The following BLTP3A variants were observed in gnomAD, a reference collection of about 807,000 sequenced individuals.
BLTP3A encodes the protein ICBP90 binding protein 1.
chr6:34,799,127 A>G, the BLTP3A span, among the ~76,000 whole-genome samples: 1 of 151,978 alleles, frequency 6.6e-6, no homozygotes, highest in South Asian at 2.1e-4. Flanking sequence ...TTTTTAGTAG[A>G]GACAGGGTTT....
the BLTP3A span, chr6:34,856,286 C>T: frequency 2.7e-5 from 43 of 1,613,932 alleles, no homozygotes; most frequent in South Asian, 1.8e-4. Context: ...CATGGAGACC[C>T]GAGGCCAGTG....
chr6:34,832,123 C>CTTTTTTT, the BLTP3A span, among the ~76,000 whole-genome samples: 984 of 141,858 alleles, frequency 6.9e-3, 13 homozygotes, highest in African/African-American at 0.022. Flanking sequence ...TTTTTTCTTT[C>CTTTTTTT]TTTTTTTTTT....
the BLTP3A span, chr6:34,867,758 A>T: frequency 8.9e-7 from 1 of 1,128,512 alleles, no homozygotes; most frequent in Non-Finnish European, 1.2e-6. Flanking sequence ...GGGAGGAAAA[A>T]CTCCATTGAA....
At chr6:34,856,897 G>A in the BLTP3A span, 2 of 1,614,050 alleles carry the variant, frequency 1.2e-6, no homozygotes, top group Non-Finnish European at 1.7e-6. Flanking sequence ...TAGCTGCATG[G>A]TGGTACGGGT....
chr6:34,856,692 A>G, the BLTP3A span: 2 of 1,470,036 alleles, frequency 1.4e-6, no homozygotes, highest in African/African-American at 1.4e-5. Context: ...TCTTTCCTAC[A>G]TATAACATTA....
chr6:34,817,842 C>A, the BLTP3A span, among the ~76,000 whole-genome samples: 1 of 147,734 alleles, frequency 6.8e-6, no homozygotes, highest in Admixed American at 6.8e-5. Flanking sequence ...CCCAGCAAGA[C>A]GTGTAGGAAT....
chr6:34,796,302 G>A, the BLTP3A span, among the ~76,000 whole-genome samples: 2 of 152,200 alleles, frequency 1.3e-5, no homozygotes, highest in Non-Finnish European at 1.5e-5. Flanking sequence ...CTTAGTAGTA[G>A]AGTATTTTGG....
chr6:34,854,294 T>C, the BLTP3A span, among the ~76,000 whole-genome samples: 1 of 152,184 alleles, frequency 6.6e-6, no homozygotes, highest in Non-Finnish European at 1.5e-5. Context: ...TTTAAAATTT[T>C]GATTATATTG....
At chr6:34,792,155 C>A in the BLTP3A span, 4 of 1,162,892 alleles carry the variant, frequency 3.4e-6, no homozygotes, top group Non-Finnish European at 4.5e-6. Context: ...GTCCGGTGCT[C>A]ACGCCGCGGC....
the BLTP3A span, among the ~76,000 whole-genome samples, chr6:34,825,319 T>TA: frequency 4.0e-5 from 6 of 151,630 alleles, no homozygotes; most frequent in African/African-American, 1.5e-4. Flanking sequence ...TTTTTTTTTC[T>TA]TTTTTGAGAT....
At chr6:34,818,345 T>C in the BLTP3A span, among the ~76,000 whole-genome samples, 1 of 152,202 alleles carries the variant, frequency 6.6e-6, no homozygotes, top group African/African-American at 2.4e-5. Context: ...GATGTGTGCC[T>C]GTAGTCCCAG....
At chr6:34,820,958 CTGT>C in the BLTP3A span, among the ~76,000 whole-genome samples, 2 of 141,746 alleles carry the variant, frequency 1.4e-5, no homozygotes, top group African/African-American at 2.6e-5. Context: ...GGCCCTCTGT[CTGT>C]TTTTTTTTTT....
At chr6:34,836,660 C>T in the BLTP3A span, among the ~76,000 whole-genome samples, 1 of 151,974 alleles carries the variant, frequency 6.6e-6, no homozygotes, top group Non-Finnish European at 1.5e-5. Context: ...TTTTTTTTCC[C>T]CTCACCAAAG....
the BLTP3A span, among the ~76,000 whole-genome samples, chr6:34,830,552 T>C: frequency 6.6e-6 from 1 of 150,942 alleles, no homozygotes; most frequent in Non-Finnish European, 1.5e-5. Flanking sequence ...ATCACACCAC[T>C]GCACCCCAGC....
the BLTP3A span, chr6:34,867,365 C>T: frequency 6.2e-7 from 1 of 1,614,098 alleles, no homozygotes; most frequent in Non-Finnish European, 8.5e-7. Flanking sequence ...TGGAGAAGAC[C>T]TCATCTTTCA....
chr6:34,876,624 T>C, the BLTP3A span: 1 of 152,230 alleles, frequency 6.6e-6, no homozygotes. Context: ...ATCTTGTTAT[T>C]TGAGAACAGT....
chr6:34,849,870 G>A, the BLTP3A span, among the ~76,000 whole-genome samples: 34 of 152,168 alleles, frequency 2.2e-4, no homozygotes, highest in African/African-American at 8.2e-4. Context: ...CTGCGCAGTG[G>A]CTCATGCCTT....
the BLTP3A span, among the ~76,000 whole-genome samples, chr6:34,842,405 C>A: frequency 2.0e-5 from 3 of 152,088 alleles, no homozygotes; most frequent in Non-Finnish European, 2.9e-5. Context: ...TTAAAAGAAA[C>A]CCTGTATCCA....
chr6:34,851,596 G>A, the BLTP3A span, among the ~76,000 whole-genome samples: 1,895 of 152,284 alleles, frequency 0.012, 16 homozygotes, highest in Middle Eastern at 0.044. Flanking sequence ...ACTGTACTGG[G>A]TCTCTCCTAA....
Sources: allele counts gnomAD v4.1 joint callset (sites outside exome capture counted in the v4.1 genomes callset), GRCh38; gene constraint gnomAD v4.1.1; transcripts MANE v1.5; gene names NCBI Gene and HGNC (gene_info 2026-07-23, HGNC 2026-07-21).